The following PDXDC1 variants were observed in gnomAD, a reference collection of about 807,000 sequenced individuals.
PDXDC1 encodes the protein pyridoxal dependent decarboxylase domain containing 1.
A neutral mutation model predicts 100.1 loss-of-function variants in PDXDC1; 42 were observed. That is an observed-to-expected ratio of 0.42 (90% confidence interval 0.33 to 0.54). PDXDC1 has a LOEUF of 0.54. Ranked by LOEUF, PDXDC1 falls within the 20% of genes least tolerant of loss-of-function variation. The probability of loss-of-function intolerance (pLI) is 0.10; values close to 1 mark genes in which losing one functional copy is unlikely to be tolerated. For synonymous variants in PDXDC1, 260 were observed against 371.7 expected (o/e 0.70, Z 3.46); for missense variants, 636 against 979.2 (o/e 0.65, Z 4.68).
At chr16:14,993,969 C>T (rs1337237140) in intron 1 of PDXDC1, among the ~76,000 whole-genome samples, 104 of 152,302 alleles carry the variant, frequency 6.8e-4, no homozygotes, top group Middle Eastern at 6.8e-3. Context: ...TCATATCCTT[C>T]GCCCACTTTT....
intron 16 of PDXDC1, chr16:15,125,905 C>T: frequency 2.9e-6 from 2 of 686,542 alleles, no homozygotes; most frequent in Admixed American, 2.1e-5. Context: ...GAGCCCGGTG[C>T]CATCTGACAG....
At chr16:15,021,547 A>AT (rs1221181421) in intron 12 of PDXDC1, among the ~76,000 whole-genome samples, 4 of 152,270 alleles carry the variant, frequency 2.6e-5, no homozygotes, top group African/African-American at 7.2e-5. Context: ...CACTCGGGAG[A>AT]TTTTTTCAAT....
chr16:15,140,656 GC>G (rs1023540004), downstream of PDXDC1, among the ~76,000 whole-genome samples: 45 of 152,224 alleles, frequency 3.0e-4, no homozygotes, highest in African/African-American at 1.1e-3. Flanking sequence ...TTTCAGAGCT[GC>G]CCGAGTTACA....
chr16:15,032,768 A>G (rs2043145814), intron 17 of PDXDC1, 93 bp from the exon 18 acceptor site: 8 of 784,652 alleles, frequency 1.0e-5, no homozygotes. Context: ...GTTCCACTGC[A>G]TTGTCTTGCT....
chr16:15,087,161 A>G (rs967235282), intron 16 of PDXDC1, among the ~76,000 whole-genome samples: 4 of 152,196 alleles, frequency 2.6e-5, no homozygotes, highest in Non-Finnish European at 5.9e-5. Context: ...ATTAAGAAAA[A>G]GCCCCTAATT....
intron 16 of PDXDC1, chr16:15,080,115 G>A: frequency 6.3e-7 from 1 of 1,585,880 alleles, no homozygotes; most frequent in Non-Finnish European, 8.6e-7. Flanking sequence ...GAAAATGTAA[G>A]ATAAAACATT....
intron 16 of PDXDC1, among the ~76,000 whole-genome samples, chr16:15,096,665 A>G (rs1041812999): frequency 2.6e-5 from 4 of 152,248 alleles, no homozygotes; most frequent in Non-Finnish European, 5.9e-5. Context: ...GCAAAACAGC[A>G]ATCTGACAAT....
chr16:15,130,844 G>C, intron 16 of PDXDC1: 1 of 751,352 alleles, frequency 1.3e-6, no homozygotes, highest in South Asian at 1.5e-5. Context: ...ACCACCCGGG[G>C]GACACCCACG....
At chr16:14,977,984 ATTTAGTAGAATCAC>A (rs1387990193) in intron 1 of PDXDC1, among the ~76,000 whole-genome samples, 21 of 152,238 alleles carry the variant, frequency 1.4e-4, no homozygotes, top group African/African-American at 4.8e-4. Context: ...TGCGATCATC[ATTTAGTAGAATCAC>A]TCAGTGATTT....
chr16:14,995,220 A>C (rs1471855294), intron 1 of PDXDC1, among the ~76,000 whole-genome samples: 2 of 152,286 alleles, frequency 1.3e-5, no homozygotes, highest in African/African-American at 4.8e-5. Context: ...GTCTTGTGCC[A>C]GTTTTCAAAG....
At position 15,108,119 on chromosome 16, in the gene PDXDC1, C is replaced by T. The variant is rs2046880016; in HGVS notation, c.1400-30760C>T. ...GGTGTCATGTCCTGAAAATAGGTGA[C>T]AACTGCAAACCATCCACCCTGGTGT... On this transcript the variant is annotated intron_variant, in intron 16 of 16. Transcript: ENST00000535621. The T allele has an allele frequency of 5.7e-6, 5 of 871,292 alleles. 1 individual carries two copies. The South Asian group carries it at 2.1e-4, about 37-fold the overall frequency. The allele number at this position is 871,292 out of a possible 1,614,324, so 54.0% of individuals were successfully genotyped here. A position where few individuals can be genotyped will look rare whatever the true frequency, so the allele number is the denominator to read the frequency against.
chr16:15,102,396 G>C (rs2046587394), intron 16 of PDXDC1, among the ~76,000 whole-genome samples: 1 of 152,096 alleles, frequency 6.6e-6, no homozygotes, highest in African/African-American at 2.4e-5. Context: ...GCAGGGGCTT[G>C]TGCCTGGGCT....
intron 16 of PDXDC1, among the ~76,000 whole-genome samples, chr16:15,087,070 T>G (rs1363812902): frequency 3.9e-5 from 6 of 152,208 alleles, no homozygotes; most frequent in Admixed American, 6.5e-5. Flanking sequence ...TGAAACGCAA[T>G]GTATAAAATA....
intron 16 of PDXDC1, chr16:15,061,862 A>T (rs751460843): frequency 6.2e-7 from 1 of 1,613,356 alleles, no homozygotes; most frequent in Non-Finnish European, 8.5e-7. Flanking sequence ...ATTCTGGGGC[A>T]CTTCGCCTTT....
the PDXDC1 span, among the ~76,000 whole-genome samples, chr16:15,144,827 G>T: frequency 2.6e-5 from 4 of 152,194 alleles, no homozygotes; most frequent in South Asian, 4.1e-4. Flanking sequence ...CTCAAAAAGG[G>T]CCGTTTGGAG....
rs534767244 is a variant in PDXDC1 at position 15,038,127 on chromosome 16, T to G, written c.*1852T>G. ...CAGAAAACAGTGTGTGAGCTGGAGATGGGTGTTTTTTTAAAAACATCAAGG... is the reference window on the plus strand; with the variant it reads ...CAGAAAACAGTGTGTGAGCTGGAGAGGGGTGTTTTTTTAAAAACATCAAGG... On this transcript the variant is annotated 3_prime_UTR_variant, in exon 23 of 23. Transcript: ENST00000396410. 1 of 1,612,528 alleles carries G rather than the reference T, an allele frequency of 6.2e-7. No individual in the cohort carries two copies. Among genetic ancestry groups the G allele is most frequent in the South Asian group, 1.1e-5 (1 of 91,050 alleles).
intron 16 of PDXDC1, chr16:15,073,059 G>A: frequency 1.2e-6 from 2 of 1,611,518 alleles, no homozygotes; most frequent in Non-Finnish European, 1.7e-6. Flanking sequence ...TAGATCCTTT[G>A]TTTTGCCGTT....
At chr16:15,094,071 T>A in intron 16 of PDXDC1, 1 of 1,353,764 alleles carries the variant, frequency 7.4e-7, no homozygotes, top group Non-Finnish European at 1.0e-6. Flanking sequence ...TCCCACATCC[T>A]TTCAATCCGC....
chr16:15,142,666 C>T (rs1460425292), downstream of PDXDC1, among the ~76,000 whole-genome samples: 4 of 152,178 alleles, frequency 2.6e-5, no homozygotes, highest in Non-Finnish European at 5.9e-5. Flanking sequence ...CGTACTTTTC[C>T]ACGTCTGCAT....
Sources: gnomAD v4.1 joint callset for allele counts (sites outside exome capture counted in the v4.1 genomes callset) on GRCh38, gnomAD v4.1.1 for gene constraint, MANE v1.5 for transcripts, NCBI Gene and HGNC (gene_info 2026-07-23, HGNC 2026-07-21) for gene names.